LRRK1: variants seen among roughly 807,000 people sequenced by gnomAD.
The protein encoded by LRRK1 is leucine rich repeat kinase 1.
A neutral mutation model predicts 209.1 loss-of-function variants in LRRK1; 113 were observed. The ratio of observed to expected loss-of-function variants is 0.54; its 90% confidence interval spans 0.46 to 0.63. The LOEUF (loss-of-function observed/expected upper bound fraction) is 0.63, where lower values mean the gene tolerates loss of function less well. Among genes scored for constraint, LRRK1 ranks in the 30% least tolerant of loss-of-function variants. The pLI is 0.00. For missense variants in LRRK1, 2,284 were observed against 2,632.2 expected, an observed-to-expected ratio of 0.87 and a Z score of 2.89; for synonymous variants, 1,144 against 1,099.7, an observed-to-expected ratio of 1.04 and a Z score of -0.80.
intron 2 of LRRK1, among the ~76,000 whole-genome samples, chr15:100,927,388 G>A (rs12595266): frequency 1.3e-5 from 2 of 152,202 alleles, no homozygotes; most frequent in Non-Finnish European, 2.9e-5. Context: ...CTTAGGAGGT[G>A]TCCTCTCCTG....
At position 100,969,962 on chromosome 15, in the gene LRRK1, C is replaced by T. The variant is rs149310664; in HGVS notation, c.98-3842C>T. ...GAAGTGCAGTGGTGCTACCTCAGCT[C>T]ACTGCAACCTCTGCCTCCCAGGTTC... On this transcript the variant is annotated intron_variant, in intron 2 of 33. Coordinates refer to ENST00000388948, the MANE Select transcript of LRRK1 (RefSeq NM_024652.6). Among the ~76,000 whole-genome samples the T allele has an allele frequency of 5.9e-3, 891 of 151,768 alleles. 6 individuals carry two copies. Among genetic ancestry groups the T allele is most frequent in the Admixed American group, 8.7e-3 (132 of 15,254 alleles).
At chr15:100,974,129 C>A in intron 3 of LRRK1, 162 bp downstream of exon 3, 1 of 531,806 alleles carries the variant, frequency 1.9e-6, no homozygotes, top group Non-Finnish European at 2.9e-6. Context: ...CCTTTCCTTT[C>A]CAACTGACTT....
chr15:101,029,053 C>T lies in LRRK1; in HGVS notation c.2784C>T (p.Ser928=), dbSNP rs137936039. 4.6e-5 allele frequency: 74 copies of T among 1,614,166 alleles called. No individual in the cohort carries two copies. The East Asian group carries it at 8.5e-4, about 18-fold the overall frequency. ...NLYFLDPIWL[S]ECLQRIFNIK... Reference sequence around the variant, plus strand: ...ACTTCCTCGACCCTATTTGGCTCTCCGAATGTCTGCAGAGGATCTTTAATA... The same window carrying T: ...ACTTCCTCGACCCTATTTGGCTCTCTGAATGTCTGCAGAGGATCTTTAATA... Residue 928 remains serine, a synonymous_variant, in exon 20 of 34, where the codon TCC becomes TCT. Coordinates refer to ENST00000388948, the MANE Select transcript of LRRK1 (RefSeq NM_024652.6).
chr15:101,032,537 G>A (rs999982197), intron 20 of LRRK1, among the ~76,000 whole-genome samples: 1 of 149,828 alleles, frequency 6.7e-6, no homozygotes, highest in African/African-American at 2.5e-5. Context: ...TTTAAATTGT[G>A]TGATTATTGC....
chr15:100,980,384 A>T (rs1467788438), intron 3 of LRRK1, among the ~76,000 whole-genome samples: 1 of 152,072 alleles, frequency 6.6e-6, no homozygotes, highest in African/African-American at 2.4e-5. Context: ...TGGAAGAGAG[A>T]TTAGTGTTTG....
chr15:100,961,457 A>G (rs1007828150), intron 2 of LRRK1, among the ~76,000 whole-genome samples: 48 of 152,228 alleles, frequency 3.2e-4, no homozygotes, highest in African/African-American at 1.1e-3. Flanking sequence ...GATCAAGACC[A>G]TACTGGCCAA....
At chr15:101,018,328 A>G (rs2033635881) in intron 12 of LRRK1, among the ~76,000 whole-genome samples, 1 of 152,236 alleles carries the variant, frequency 6.6e-6, no homozygotes, top group Non-Finnish European at 1.5e-5. Context: ...GAATTTCATA[A>G]CTGATCCTTT....
chr15:100,930,221 A>T (rs2042185618), intron 2 of LRRK1, among the ~76,000 whole-genome samples: 1 of 152,132 alleles, frequency 6.6e-6, no homozygotes, highest in Admixed American at 6.5e-5. Flanking sequence ...GGAGTCACTA[A>T]AAGCAGATGT....
intron 12 of LRRK1, among the ~76,000 whole-genome samples, chr15:101,019,234 C>G (rs747181226): frequency 6.6e-6 from 1 of 152,026 alleles, no homozygotes; most frequent in Non-Finnish European, 1.5e-5. Context: ...AACACCGTAG[C>G]GAAACTTTAA....
chr15:101,048,474 G>T lies in LRRK1; in HGVS notation c.3136-20G>T. Reference sequence around the variant, plus strand: ...GAGGAGCCCAGAATACTTAAGCAGGGTCTTTTCTCTGTCTTTCAGCTTTTT... The same window carrying T: ...GAGGAGCCCAGAATACTTAAGCAGGTTCTTTTCTCTGTCTTTCAGCTTTTT... On this transcript the variant is annotated intron_variant, in intron 21 of 33. Coordinates refer to ENST00000388948, the MANE Select transcript of LRRK1 (RefSeq NM_024652.6). 1.2e-6 allele frequency: 2 copies of T among 1,600,038 alleles called. No individual in the cohort carries two copies.
At chr15:101,063,946 C>T (rs1039649300) in intron 31 of LRRK1, among the ~76,000 whole-genome samples, 8 of 152,312 alleles carry the variant, frequency 5.3e-5, no homozygotes, top group South Asian at 2.1e-4. Context: ...TTGAGGCCAC[C>T]GCTGGCGAGA....
At chr15:101,012,251 A>AG in intron 10 of LRRK1, 106 bp downstream of exon 10, 1 of 1,049,248 alleles carries the variant, frequency 9.5e-7, no homozygotes, top group Non-Finnish European at 1.4e-6. Context: ...GATAAATATA[A>AG]GGGGAAAAGA....
intron 19 of LRRK1, 101 bp from the exon 20 acceptor site, chr15:101,028,855 G>C: frequency 7.8e-7 from 1 of 1,278,096 alleles, no homozygotes; most frequent in East Asian, 2.3e-5. Flanking sequence ...TTCTTCTCAG[G>C]AATAATTTGT....
chr15:101,035,277 T>C (rs1382688243), intron 20 of LRRK1, among the ~76,000 whole-genome samples: 3 of 152,256 alleles, frequency 2.0e-5, no homozygotes, highest in East Asian at 3.9e-4. Context: ...CATACTATTA[T>C]AGTATTAGAA....
chr15:101,047,598 T>C (rs2035155648), intron 21 of LRRK1, among the ~76,000 whole-genome samples: 1 of 152,170 alleles, frequency 6.6e-6, no homozygotes, highest in African/African-American at 2.4e-5. Flanking sequence ...GAGTGCAGTC[T>C]CATCACTCAT....
chr15:100,970,454 C>G (rs1364954598), intron 2 of LRRK1, among the ~76,000 whole-genome samples: 1 of 152,216 alleles, frequency 6.6e-6, no homozygotes, highest in Non-Finnish European at 1.5e-5. Context: ...ATTGAATGTA[C>G]AAGCACAGGT....
intron 2 of LRRK1, among the ~76,000 whole-genome samples, chr15:100,969,412 C>T (rs894536110): frequency 1.3e-5 from 2 of 152,084 alleles, no homozygotes; most frequent in African/African-American, 2.4e-5. Context: ...AGATAATCTC[C>T]GCTATGTTTT....
At chr15:100,972,036 C>T (rs1385145160) in intron 2 of LRRK1, among the ~76,000 whole-genome samples, 1 of 151,488 alleles carries the variant, frequency 6.6e-6, no homozygotes, top group Non-Finnish European at 1.5e-5. Context: ...GATCTCAGCT[C>T]ACTGCTACCT....
At chr15:100,973,653 A>C in intron 2 of LRRK1, 151 bp from the exon 3 acceptor site, 2 of 787,016 alleles carry the variant, frequency 2.5e-6, no homozygotes, top group Non-Finnish European at 3.4e-6. Flanking sequence ...CGGCGAGCGC[A>C]GGGAGCGTCG....
Sources: gnomAD v4.1 joint callset for allele counts (sites outside exome capture counted in the v4.1 genomes callset) on GRCh38, gnomAD v4.1.1 for gene constraint, MANE v1.5 for transcripts, NCBI Gene and HGNC (gene_info 2026-07-23, HGNC 2026-07-21) for gene names.